The following TP73 variants were observed in gnomAD, a reference collection of about 807,000 sequenced individuals.
TP73 encodes the protein p53-like transcription factor.
TP73 carries 25 observed loss-of-function variants against 62.5 expected under a neutral mutation model. The observed-to-expected ratio is 0.40, with a 90% CI of 0.29 to 0.56. The LOEUF (loss-of-function observed/expected upper bound fraction) is 0.56. Among genes scored for constraint, TP73 ranks in the 20% least tolerant of loss-of-function variants. TP73 has a pLI of 0.46. For synonymous variants in TP73, 423 were observed against 377.5 expected, an observed-to-expected ratio of 1.12 and a Z score of -1.40; for missense variants, 754 against 913.3, an observed-to-expected ratio of 0.83 and a Z score of 2.25.
intron 3 of TP73, chr1:3,690,841 C>G: frequency 6.5e-7 from 1 of 1,550,074 alleles, no homozygotes; most frequent in Non-Finnish European, 8.7e-7. Context: ...TCGGGCCGCC[C>G]AGATCCATGC....
intron 13 of TP73, among the ~76,000 whole-genome samples, chr1:3,732,170 C>G (rs1642182800): frequency 6.6e-6 from 1 of 152,208 alleles, no homozygotes; most frequent in Admixed American, 6.5e-5. Flanking sequence ...AGTGCCGCGG[C>G]CCAGGTCCAA....
intron 1 of TP73, chr1:3,658,950 C>T (rs944645226): frequency 2.0e-5 from 3 of 149,172 alleles, no homozygotes; most frequent in African/African-American, 5.1e-5. Flanking sequence ...TTTGGGGTGG[C>T]GTATTCTGGT....
chr1:3,698,627 C>G (rs553138316), intron 3 of TP73, among the ~76,000 whole-genome samples: 1 of 152,074 alleles, frequency 6.6e-6, no homozygotes, highest in Non-Finnish European at 1.5e-5. Flanking sequence ...GCGGCGGCAC[C>G]GTGAGTGGAC....
chr1:3,702,984 A>G (rs1215597921), intron 3 of TP73, among the ~76,000 whole-genome samples: 1 of 152,170 alleles, frequency 6.6e-6, no homozygotes, highest in Non-Finnish European at 1.5e-5. Context: ...GGCCCCAGGG[A>G]AAGCTCCTTG....
chr1:3,685,622 A>G (rs1433644023), intron 3 of TP73, among the ~76,000 whole-genome samples: 1 of 152,210 alleles, frequency 6.6e-6, no homozygotes, highest in Non-Finnish European at 1.5e-5. Context: ...GTACAAAGAC[A>G]GAGACTCCGA....
chr1:3,657,785 C>T (rs1644896410), intron 1 of TP73, among the ~76,000 whole-genome samples: 1 of 152,192 alleles, frequency 6.6e-6, no homozygotes, highest in Admixed American at 6.5e-5. Flanking sequence ...TCCCCCAGCA[C>T]CTCCCGCCTG....
chr1:3,673,091 G>T (rs1243123492), intron 1 of TP73, among the ~76,000 whole-genome samples: 2 of 152,240 alleles, frequency 1.3e-5, no homozygotes, highest in African/African-American at 4.8e-5. Flanking sequence ...CCCGGGCATG[G>T]AGCTGGCACC....
rs528016587 is a variant in TP73 at position 3,727,648 on chromosome 1, G to A, written c.863G>A (p.Arg288Gln). 1.4e-5 allele frequency: 23 copies of A among 1,600,542 alleles called. No homozygotes were observed. In the Middle Eastern group the frequency reaches 5.0e-4, roughly 35 times the overall value. ...EMRDGQVLGR[R>Q]SFEGRICACP... ...GACAGTGGGCAGGTGCTGGGCCGCC[G>A]GTCCTTTGAGGGCCGCATCTGCGCC... Residue 288 changes from arginine (R) to glutamine (Q), a missense_variant, in exon 8 of 14, where the codon CGG (arginine) becomes CAG (glutamine). By Grantham distance (43) the Arg-to-Gln change is conservative. Coordinates refer to ENST00000378295, the MANE Select transcript of TP73 (RefSeq NM_005427.4).
intron 3 of TP73, among the ~76,000 whole-genome samples, chr1:3,684,839 G>C (rs1645613709): frequency 6.7e-6 from 1 of 149,158 alleles, no homozygotes. Context: ...TATGGGTGAG[G>C]AAACCGAGGC....
In TP73 at chr1:3,654,680, G is replaced by A. The variant is rs1212892697; in HGVS notation, c.-34+2039G>A. Among the ~76,000 whole-genome samples the A allele has an allele frequency of 4.6e-5, 7 of 152,334 alleles. No homozygotes were observed. The East Asian group carries it at 1.4e-3, about 29-fold the overall frequency. ...CCCAGGTGCTGTTCCAGAGCTGGGA[G>A]AGCCAGGAGCCCTGGGGAGAGACCC... On this transcript the variant is annotated intron_variant, in intron 1 of 13. Transcript: ENST00000378295.
chr1:3,700,140 C>A (rs1453456259), intron 3 of TP73, among the ~76,000 whole-genome samples: 10 of 152,078 alleles, frequency 6.6e-5, no homozygotes, highest in African/African-American at 2.4e-4. Context: ...GTGCCCCGCC[C>A]TCCCCACCAC....
chr1:3,691,929 G>A (rs1420346418), intron 3 of TP73, among the ~76,000 whole-genome samples: 1 of 152,236 alleles, frequency 6.6e-6, no homozygotes, highest in East Asian at 1.9e-4. Flanking sequence ...GTGTGTGACA[G>A]CGATGTGTGT....
chr1:3,659,738 G>T (rs1169451479), intron 1 of TP73, among the ~76,000 whole-genome samples: 1 of 152,124 alleles, frequency 6.6e-6, no homozygotes, highest in Admixed American at 6.5e-5. Flanking sequence ...CTAGAGTGTA[G>T]TGGCATCATC....
intron 1 of TP73, among the ~76,000 whole-genome samples, chr1:3,661,037 T>A (rs1644976581): frequency 6.6e-6 from 1 of 152,254 alleles, no homozygotes; most frequent in African/African-American, 2.4e-5. Context: ...AGAAGGTTAA[T>A]CATCACTTCA....
rs374066676 is a variant in TP73 at position 3,728,204 on chromosome 1, C to T, written c.1061C>T (p.Thr354Met). 6.5e-5 allele frequency: 104 copies of T among 1,611,710 alleles called. No individual in the cohort carries two copies. The highest frequency in any genetic ancestry group is 1.1e-4 in the African/African-American group (8 of 75,068). ...AAGCGGCGGCATGGAGACGAGGACACGTACTACCTTCAGGTGAGTGTGTGC... is the reference window on the plus strand; with the variant it reads ...AAGCGGCGGCATGGAGACGAGGACATGTACTACCTTCAGGTGAGTGTGTGC... ...VKKRRHGDED[T>M]YYLQVRGREN... The change falls in exon 9 of 14, where the codon ACG (threonine) becomes ATG (methionine). Residue 354 changes from threonine (T) to methionine (M), a missense_variant. Transcript: ENST00000378295.
intron 3 of TP73, among the ~76,000 whole-genome samples, chr1:3,689,621 TGCCG>T (rs1047288825): frequency 2.0e-5 from 3 of 151,488 alleles, no homozygotes; most frequent in Admixed American, 2.0e-4. Context: ...ATGAGGCCCC[TGCCG>T]GCTCTCGGTG....
At position 3,662,042 on chromosome 1, in the gene TP73, G is replaced by A. The variant is rs929714206; in HGVS notation, c.-34+9401G>A. ...CCACTGCACTCTAGCCTGGGTGACA[G>A]AGTGAGACCCTGTCTCAAAAAAAAA... On this transcript the variant is annotated intron_variant, in intron 1 of 13. Coordinates refer to ENST00000378295, the MANE Select transcript of TP73 (RefSeq NM_005427.4). The surrounding 1 kb of genome is among the most constrained non-coding windows in gnomAD (Gnocchi z 4.4). 4 of 150,038 alleles carry A rather than the reference G, an allele frequency of 2.7e-5. No individual in the cohort carries two copies. The highest frequency in any genetic ancestry group is 9.8e-5 in the African/African-American group (4 of 40,752). 9.3% of individuals were successfully genotyped at this position (150,038 alleles called of 1,614,324 possible).
At chr1:3,674,458 G>A (rs1028945421) in intron 1 of TP73, among the ~76,000 whole-genome samples, 5 of 152,358 alleles carry the variant, frequency 3.3e-5, no homozygotes, top group South Asian at 2.1e-4. Flanking sequence ...CATCTGTGGC[G>A]GTGAGGGGGG....
At chr1:3,689,297 C>G (rs1645747143) in intron 3 of TP73, among the ~76,000 whole-genome samples, 1 of 152,186 alleles carries the variant, frequency 6.6e-6, no homozygotes, top group Non-Finnish European at 1.5e-5. Flanking sequence ...CCTGATCTAC[C>G]AGACAAAACT....
Sources: gnomAD v4.1 joint callset for allele counts (sites outside exome capture counted in the v4.1 genomes callset) on GRCh38, gnomAD v4.1.1 for gene constraint, Gnocchi (gnomAD v3.1) non-coding constraint, MANE v1.5 for transcripts, NCBI Gene and HGNC (gene_info 2026-07-23, HGNC 2026-07-21) for gene names.